FER1L6: variants seen among roughly 807,000 people sequenced by gnomAD.
FER1L6 encodes fer-1 like family member 6, also known as fer-1-like protein 6.
A neutral mutation model predicts 219.2 loss-of-function variants in FER1L6; 177 were observed. That is an observed-to-expected ratio of 0.81 (90% CI 0.71 to 0.91). The LOEUF (loss-of-function observed/expected upper bound fraction) is 0.91, where lower values mean the gene tolerates loss of function less well. Among genes scored for constraint, FER1L6 ranks in the 40% least tolerant of loss-of-function variants. The probability of loss-of-function intolerance (pLI) is 0.00; values close to 1 mark genes in which losing one functional copy is unlikely to be tolerated. For missense variants in FER1L6, 2,153 were observed against 2,259.9 expected (o/e 0.95, Z 0.96); for synonymous variants, 768 against 824.3 (o/e 0.93, Z 1.17).
At chr8:123,951,001 A>G (rs1297829868) in intron 1 of FER1L6, among the ~76,000 whole-genome samples, 2 of 152,226 alleles carry the variant, frequency 1.3e-5, no homozygotes, top group Non-Finnish European at 2.9e-5. Context: ...AAGGAAGTAG[A>G]CGTGGATTAT....
At chr8:123,871,238 T>C (rs1366746870) in intron 1 of FER1L6, among the ~76,000 whole-genome samples, 3 of 152,146 alleles carry the variant, frequency 2.0e-5, no homozygotes, top group African/African-American at 7.2e-5. Flanking sequence ...TATGCATAAA[T>C]ATATTTGCTT....
chr8:123,894,460 C>G (rs1012210885), intron 1 of FER1L6, among the ~76,000 whole-genome samples: 2 of 152,178 alleles, frequency 1.3e-5, no homozygotes, highest in Non-Finnish European at 2.9e-5. Context: ...TACTGAACCC[C>G]TGGTGTTTGG....
intron 1 of FER1L6, among the ~76,000 whole-genome samples, chr8:123,916,463 C>T (rs1384069581): frequency 6.6e-6 from 1 of 152,164 alleles, no homozygotes; most frequent in Non-Finnish European, 1.5e-5. Context: ...TATGTTTGCC[C>T]TACTCTCTTG....
chr8:124,028,398 C>A (rs1377937231), intron 18 of FER1L6, among the ~76,000 whole-genome samples: 1 of 152,124 alleles, frequency 6.6e-6, no homozygotes, highest in Non-Finnish European at 1.5e-5. Flanking sequence ...CCCTCTCACC[C>A]ACCATCTCTC....
chr8:123,898,771 GTA>G (rs1452528481), intron 1 of FER1L6, among the ~76,000 whole-genome samples: 3 of 78,548 alleles, frequency 3.8e-5, no homozygotes, highest in Non-Finnish European at 9.5e-5. Flanking sequence ...ATATATATGT[GTA>G]TATATACGTA....
At chr8:124,031,288 C>G (rs1818955577) in intron 18 of FER1L6, among the ~76,000 whole-genome samples, 1 of 151,952 alleles carries the variant, frequency 6.6e-6, no homozygotes, top group Non-Finnish European at 1.5e-5. Context: ...TATATGGGAG[C>G]CTTTAGAAGG....
intron 18 of FER1L6, among the ~76,000 whole-genome samples, chr8:124,033,430 T>A (rs937327981): frequency 3.3e-5 from 5 of 152,234 alleles, no homozygotes; most frequent in African/African-American, 1.2e-4. Flanking sequence ...TGATTTGTCT[T>A]ATAATTTTGT....
chr8:124,003,436 A>G (rs1817508912), intron 13 of FER1L6, 89 bp downstream of exon 13: 1 of 699,024 alleles, frequency 1.4e-6, no homozygotes. Flanking sequence ...GTTCTTCACT[A>G]AAATCAGAAA....
At chr8:123,880,878 C>A (rs980685473) in intron 1 of FER1L6, among the ~76,000 whole-genome samples, 10 of 148,354 alleles carry the variant, frequency 6.7e-5, no homozygotes, top group South Asian at 2.3e-4. Flanking sequence ...ATTCTGGGAG[C>A]TTTGCCTAAC....
intron 13 of FER1L6, among the ~76,000 whole-genome samples, chr8:124,006,866 G>T (rs1817676281): frequency 6.6e-6 from 1 of 152,176 alleles, no homozygotes; most frequent in Non-Finnish European, 1.5e-5. Context: ...AGACTAGGAG[G>T]TCCCTGAGAA....
intron 39 of FER1L6, among the ~76,000 whole-genome samples, chr8:124,107,770 G>C (rs1822841149): frequency 6.6e-6 from 1 of 152,114 alleles, no homozygotes; most frequent in African/African-American, 2.4e-5. Flanking sequence ...TTGTGCTTCG[G>C]AGGGTCCATT....
chr8:123,875,329 C>T (rs938992359), intron 1 of FER1L6, among the ~76,000 whole-genome samples: 4 of 152,134 alleles, frequency 2.6e-5, no homozygotes, highest in Admixed American at 6.5e-5. Context: ...CTGTTAAATC[C>T]TAACAATTCT....
chr8:124,050,982 A>G (rs2130784201), intron 22 of FER1L6, among the ~76,000 whole-genome samples: 1 of 152,330 alleles, frequency 6.6e-6, no homozygotes, highest in African/African-American at 2.4e-5. Context: ...AACAAAAAAC[A>G]TCAAATAAAG....
rs188759986 is a variant in FER1L6 at position 124,062,804 on chromosome 8, C to A, written c.3328+772C>A. ...CACCCAGGGGTGAGATGACTAGGTC[C>A]CAGTAAATACGCACATGTATTTTCA... is the stretch of plus-strand genomic sequence containing the variant. On this transcript the variant is annotated intron_variant, in intron 25 of 40. Transcript: ENST00000522917. 2.0e-3 allele frequency among the ~76,000 whole-genome samples: 305 copies of A among 152,190 alleles called. 1 individual carries two copies. The highest frequency in any genetic ancestry group is 6.9e-3 in the African/African-American group (286 of 41,518).
chr8:124,028,208 T>C (rs1464528021), intron 18 of FER1L6, among the ~76,000 whole-genome samples: 1 of 152,242 alleles, frequency 6.6e-6, no homozygotes, highest in Non-Finnish European at 1.5e-5. Flanking sequence ...ATTATCTTCA[T>C]CTGTAAGCCT....
intron 1 of FER1L6, among the ~76,000 whole-genome samples, chr8:123,936,098 G>T (rs1586485869): frequency 6.6e-6 from 1 of 152,170 alleles, no homozygotes; most frequent in African/African-American, 2.4e-5. Context: ...CTGCGTATTA[G>T]GATGGGAAGA....
At chr8:124,094,541 A>T (rs954061008) in intron 34 of FER1L6, among the ~76,000 whole-genome samples, 1 of 152,062 alleles carries the variant, frequency 6.6e-6, no homozygotes, top group African/African-American at 2.4e-5. Context: ...GCTGGAGTGC[A>T]GTGGCGCGAT....
chr8:124,052,994 G>A (rs1820121017), intron 22 of FER1L6, among the ~76,000 whole-genome samples: 1 of 152,178 alleles, frequency 6.6e-6, no homozygotes, highest in Non-Finnish European at 1.5e-5. Context: ...AGTGGTAAAG[G>A]TGGTCGTGGA....
intron 18 of FER1L6, among the ~76,000 whole-genome samples, chr8:124,029,480 G>A (rs1818865281): frequency 6.6e-6 from 1 of 152,094 alleles, no homozygotes; most frequent in Non-Finnish European, 1.5e-5. Flanking sequence ...GGTGTGAGAT[G>A]GTATCTCACT....
Sources: gnomAD v4.1 joint callset for allele counts (sites outside exome capture counted in the v4.1 genomes callset) on GRCh38, gnomAD v4.1.1 for gene constraint, MANE v1.5 for transcripts, NCBI Gene and HGNC (gene_info 2026-07-23, HGNC 2026-07-21) for gene names.